Variants in APC2 observed in about 807,000 individuals in gnomAD.
The protein encoded by APC2 is APC regulator of Wnt signaling pathway 2.
In APC2, 41 loss-of-function variants were observed where a neutral mutation model predicts 72.5. The observed-to-expected ratio is 0.57, with a 90% CI of 0.44 to 0.73. The LOEUF (loss-of-function observed/expected upper bound fraction) is 0.73. Ranked by LOEUF, APC2 falls within the 30% of genes least tolerant of loss-of-function variation. The pLI is 0.00. For synonymous variants in APC2, 1,898 were observed against 1,612.0 expected (o/e 1.18, Z -4.25); for missense variants, 3,729 against 3,403.4 (o/e 1.10, Z -2.38).
rs1362826294 is a variant in APC2, at chr19:1,471,995, T to G, written c.*1782T>G. On this transcript the variant is annotated 3_prime_UTR_variant, in exon 15 of 15. Transcript: ENST00000590469. ...CCGAGGTGTGCCACCCAGCAGGTGC[T>G]GGAGGTGCCCAATGCTCCCTCCTAG... 6.6e-6 allele frequency: 1 copy of G among 152,402 alleles called. No homozygotes were observed. Among genetic ancestry groups the G allele is most frequent in the Non-Finnish European group, 1.5e-5 (1 of 68,164 alleles). The allele number at this position is 152,402 out of a possible 1,614,324, so 9.4% of individuals were successfully genotyped here.
intron 11 of APC2, among the ~76,000 whole-genome samples, 177 bp from the exon 12 acceptor site, chr19:1,460,603 T>C (rs1294030231): frequency 6.6e-6 from 1 of 152,170 alleles, no homozygotes; most frequent in African/African-American, 2.4e-5. Context: ...GCTGGGTGTC[T>C]GCCCCTGTCT....
upstream of APC2, among the ~76,000 whole-genome samples, chr19:1,449,015 A>G (rs2083713584): frequency 6.6e-6 from 1 of 152,186 alleles, no homozygotes; most frequent in Non-Finnish European, 1.5e-5. Context: ...GCCCGGGACA[A>G]GGCCCTCGGG....
intron 14 of APC2, among the ~76,000 whole-genome samples, chr19:1,464,015 A>G (rs1286663102): frequency 6.6e-6 from 1 of 152,078 alleles, no homozygotes; most frequent in Non-Finnish European, 1.5e-5. Context: ...TCTCTAATAA[A>G]AATACAAAAA....
chr19:1,447,108 C>T (rs1214220043), upstream of APC2, among the ~76,000 whole-genome samples: 1 of 152,198 alleles, frequency 6.6e-6, no homozygotes, highest in African/African-American at 2.4e-5. Flanking sequence ...CTTCAGGGCG[C>T]GGCCTGGACC....
rs989896958 is a variant in APC2 at position 1,456,070 on chromosome 19, G to C, written c.640-6G>C. 5 of 1,564,142 alleles carry C rather than the reference G, an allele frequency of 3.2e-6. No homozygotes were observed. Among genetic ancestry groups the C allele is most frequent in the Non-Finnish European group, 4.3e-6 (5 of 1,158,556 alleles). Reference sequence around the variant, plus strand: ...CCAGCACTTGCCCTCGTGTGGTCCTGAGCAGATCCGCGCCTCGCGCCTGGA... The same window carrying C: ...CCAGCACTTGCCCTCGTGTGGTCCTCAGCAGATCCGCGCCTCGCGCCTGGA... On this transcript the variant is annotated splice_polypyrimidine_tract_variant and splice_region_variant and intron_variant, in intron 6 of 14. Transcript: ENST00000590469.
Position 1,469,173 on chromosome 19 carries a change from G to A in APC2, c.5872G>A (p.Gly1958Arg), listed in dbSNP as rs942669373. The change falls in exon 15 of 15, where the codon GGG (glycine) becomes AGG (arginine). Residue 1958 changes from glycine (G) to arginine (R), a missense_variant. Transcript: ENST00000590469. ...VPEPGPRGRA[G>R]TEAGPGARGG... ...GGAGCCGGGCCCCAGGGGCCGGGCG[G>A]GGACCGAGGCGGGCCCGGGGGCGCG... 5 of 1,289,096 alleles carry A rather than the reference G, an allele frequency of 3.9e-6. No homozygotes were observed. The highest frequency in any genetic ancestry group is 2.5e-5 in the South Asian group (1 of 40,228). 79.9% of individuals were successfully genotyped at this position (1,289,096 alleles called of 1,614,324 possible).
chr19:1,467,381 C>A lies in APC2; in HGVS notation c.4080C>A (p.Ser1360=). 1 of 1,485,868 alleles carries A rather than the reference C, an allele frequency of 6.7e-7. No individual in the cohort carries two copies. Among genetic ancestry groups the A allele is most frequent in the Non-Finnish European group, 8.9e-7 (1 of 1,123,892 alleles). 92.0% of individuals were successfully genotyped at this position (1,485,868 alleles called of 1,614,324 possible). A position where few individuals can be genotyped will look rare whatever the true frequency, so the allele number is the denominator to read the frequency against. Residue 1360 remains serine, a synonymous_variant, in exon 15 of 15, where the codon TCC becomes TCA. Transcript: ENST00000590469. The stretch of plus-strand genomic sequence containing the variant: ...CTGCCCGGCTGCGCAAGGTGGCCTC[C>A]GCGCTGGTGCCAGGTCGCCGCGCAC... ...AVPARLRKVA[S]ALVPGRRALP...
chr19:1,446,748 C>T (rs1368454461), upstream of APC2, among the ~76,000 whole-genome samples: 1 of 152,104 alleles, frequency 6.6e-6, no homozygotes, highest in Non-Finnish European at 1.5e-5. The surrounding 1 kb of genome is among the most constrained non-coding windows in gnomAD (Gnocchi z 6.1). Flanking sequence ...TGGGCCACGC[C>T]CTGCGCTTCT....
At position 1,470,330 on chromosome 19, in the gene APC2, G is replaced by A. The variant is rs1051194390; in HGVS notation, c.*117G>A. 4 of 1,328,750 alleles carry A rather than the reference G, an allele frequency of 3.0e-6. No individual in the cohort carries two copies. Among genetic ancestry groups the A allele is most frequent in the Admixed American group, 3.1e-5 (1 of 31,896 alleles). The allele number at this position is 1,328,750 out of a possible 1,614,324, so 82.3% of individuals were successfully genotyped here. On this transcript the variant is annotated 3_prime_UTR_variant, in exon 15 of 15. Transcript: ENST00000590469. ...GTCGCCCCAGGGCCTCTGCCCACCC[G>A]AGCCCCACCACTCTCAGAACCCCCG...
chr19:1,465,755 C>T lies in APC2; in HGVS notation c.2454C>T (p.Arg818=), dbSNP rs771041675. The T allele has an allele frequency of 2.4e-5, 36 of 1,527,080 alleles. No homozygotes were observed. The highest frequency in any genetic ancestry group is 3.2e-5 in the Non-Finnish European group (36 of 1,139,470). 94.6% of individuals were successfully genotyped at this position (1,527,080 alleles called of 1,614,324 possible). A position where few individuals can be genotyped will look rare whatever the true frequency, so the allele number is the denominator to read the frequency against. Residue 818 remains arginine, a synonymous_variant, in exon 15 of 15, where the codon CGC becomes CGT. Coordinates refer to ENST00000590469, the MANE Select transcript of APC2 (RefSeq NM_005883.3). ...SPFLQGQALA[R]TPPTRRGGKE... ...TCCTGCAGGGGCAGGCGCTGGCTCGCACCCCGCCCACCCGCCGAGGCGGCA... is the reference window on the plus strand; with the variant it reads ...TCCTGCAGGGGCAGGCGCTGGCTCGTACCCCGCCCACCCGCCGAGGCGGCA...
In APC2 at chr19:1,457,112, C is replaced by T. The variant is rs765882050; in HGVS notation, c.1076C>T (p.Pro359Leu). The change falls in exon 9 of 15, where the codon CCG becomes CTG. Residue 359 changes from proline to leucine, a missense_variant. By Grantham distance (98) the Pro-to-Leu change is moderately conservative. Transcript: ENST00000590469. ...AALHNIVFSQ[P>L]DQGLARKEMR... Reference sequence around the variant, plus strand: ...CTGCACAACATCGTCTTCTCGCAGCCGGACCAGGGCCTGGCGCGCAAGGAG... The same window carrying T: ...CTGCACAACATCGTCTTCTCGCAGCTGGACCAGGGCCTGGCGCGCAAGGAG... 3.2e-6 allele frequency: 5 copies of T among 1,585,802 alleles called. No homozygotes were observed. Among genetic ancestry groups the T allele is most frequent in the African/African-American group, 1.3e-5 (1 of 74,108 alleles).
intron 11 of APC2, 27 bp downstream of exon 11, chr19:1,460,347 C>T (rs1389580696): frequency 1.2e-6 from 2 of 1,612,748 alleles, no homozygotes; most frequent in Admixed American, 1.7e-5. Context: ...GGTGGGCTGG[C>T]ACTTTCCTCA....
rs772003069 is a variant in APC2 at position 1,468,440 on chromosome 19, GTCCGAC to G, written c.5143_5148del (p.Asp1715_Ser1716del). 30 of 1,594,216 alleles carry G rather than the reference GTCCGAC, an allele frequency of 1.9e-5. No homozygotes were observed. In the South Asian group the frequency reaches 3.0e-4, roughly 16 times the overall value. ...CTGCCACGCGGGAGGCCTCGTCCGA[GTCCGAC>G]TCCATCCTGTCCTTCGTATCCGGGC... On this transcript the variant is annotated inframe_deletion, in exon 15 of 15. Transcript: ENST00000590469.
chr19:1,461,935 ACCCGCCCCTCT>A lies in APC2; in HGVS notation c.1639-17_1639-7del. On this transcript the variant is annotated splice_polypyrimidine_tract_variant and intron_variant, in intron 13 of 14. Transcript: ENST00000590469. ...TTTCCTCCGGGCCACTCAGGCCCTG[ACCCGCCCCTCT>A]CCCGCCCCTCGTCCAGGAGTCCACC... 2.6e-6 allele frequency: 4 copies of A among 1,551,010 alleles called. No individual in the cohort carries two copies. The highest frequency in any genetic ancestry group is 3.5e-6 in the Non-Finnish European group (4 of 1,127,526).
chr19:1,458,771 C>T (rs553642128), intron 10 of APC2, among the ~76,000 whole-genome samples: 2 of 152,060 alleles, frequency 1.3e-5, no homozygotes, highest in South Asian at 4.2e-4. Context: ...GGCTGGAGTG[C>T]AGTGGTACAA....
upstream of APC2, among the ~76,000 whole-genome samples, chr19:1,448,967 C>G (rs549011084): frequency 6.6e-6 from 1 of 152,334 alleles, no homozygotes; most frequent in East Asian, 1.9e-4. Context: ...GGCTCCCAGA[C>G]AGCCAGGCCG....
chr19:1,460,056 TG>T, intron 10 of APC2, 124 bp from the exon 11 acceptor site: 1 of 1,336,780 alleles, frequency 7.5e-7, no homozygotes, highest in Non-Finnish European at 1.0e-6. Flanking sequence ...GACTTGGGCC[TG>T]GAAGGGGAAC....
chr19:1,462,124 C>A lies in APC2; in HGVS notation c.1800C>A (p.Gly600=). The change falls in exon 14 of 15, where the codon GGC becomes GGA. Residue 600 remains glycine, a synonymous_variant. Coordinates refer to ENST00000590469, the MANE Select transcript of APC2 (RefSeq NM_005883.3). ...ACTCGCTGGCCATCATCGAGAGCGGCGGCGGCATCCTCCGCAATGTGTCCA... is the reference window on the plus strand; with the variant it reads ...ACTCGCTGGCCATCATCGAGAGCGGAGGCGGCATCCTCCGCAATGTGTCCA... ...QSNSLAIIES[G]GGILRNVSSL... 4 of 1,612,500 alleles carry A rather than the reference C, an allele frequency of 2.5e-6. No homozygotes were observed. The highest frequency in any genetic ancestry group is 2.5e-6 in the Non-Finnish European group (3 of 1,179,930).
chr19:1,466,052 G>A lies in APC2; in HGVS notation c.2751G>A (p.Ala917=), dbSNP rs781227750. The change falls in exon 15 of 15, where the codon GCG becomes GCA. Residue 917 remains alanine, a synonymous_variant. Coordinates refer to ENST00000590469, the MANE Select transcript of APC2 (RefSeq NM_005883.3). ...SRAHPLLRLK[A]AHASLSNDSL... is the part of the protein sequence containing the mutation. ...CGCACCCGCTGCTGCGGCTCAAGGC[G>A]GCCCACGCCAGCCTCTCCAACGACA... 6.7e-6 allele frequency: 10 copies of A among 1,503,722 alleles called. No homozygotes were observed. The highest frequency in any genetic ancestry group is 2.6e-5 in the South Asian group (2 of 75,988). 93.1% of individuals were successfully genotyped at this position (1,503,722 alleles called of 1,614,324 possible). A position where few individuals can be genotyped will look rare whatever the true frequency, so the allele number is the denominator to read the frequency against.
Sources: allele counts gnomAD v4.1 joint callset (sites outside exome capture counted in the v4.1 genomes callset), GRCh38; gene constraint gnomAD v4.1.1; non-coding constraint Gnocchi (gnomAD v3.1); transcripts MANE v1.5; gene names NCBI Gene and HGNC (gene_info 2026-07-23, HGNC 2026-07-21).